RBPJ: variants seen among roughly 807,000 people sequenced by gnomAD.
RBPJ encodes the protein recombining binding protein suppressor of hairless.
In RBPJ, 9 loss-of-function variants were observed where a neutral mutation model predicts 67.8. The observed-to-expected ratio is 0.13, with a 90% CI of 0.08 to 0.23. RBPJ has a LOEUF of 0.23. Among genes scored for constraint, RBPJ ranks in the 10% least tolerant of loss-of-function variants. The pLI, the probability that RBPJ is intolerant of heterozygous loss-of-function variation, is 1.00. For synonymous variants in RBPJ, 198 were observed against 203.3 expected (o/e 0.97, Z 0.22); for missense variants, 305 against 595.6 (o/e 0.51, Z 5.08).
chr4:26,270,431 AAGAAAGAAG>A (rs1560237980), intron 1 of RBPJ, among the ~76,000 whole-genome samples: 1 of 63,046 alleles, frequency 1.6e-5, no homozygotes, highest in African/African-American at 4.0e-5. Context: ...GAAAGAAAGA[AAGAAAGAAG>A]AAAGAAAGAA....
rs140413597 is a variant in RBPJ, at chr4:26,338,649, C to G, written c.20+17601C>G. On this transcript the variant is annotated intron_variant, in intron 1 of 10. Transcript: ENST00000355476. ...GGAGTGCAGTGGCACGATCTTGGCT[C>G]CCTGAAACCTCTGCCTCCCAGGTTT... 6.1e-3 allele frequency among the ~76,000 whole-genome samples: 917 copies of G among 150,274 alleles called. 14 individuals carry two copies. Among genetic ancestry groups the G allele is most frequent in the African/African-American group, 0.021 (877 of 40,952 alleles).
At chr4:26,346,393 G>C (rs1468085621) in intron 1 of RBPJ, among the ~76,000 whole-genome samples, 1 of 152,166 alleles carries the variant, frequency 6.6e-6, no homozygotes, top group Non-Finnish European at 1.5e-5. Context: ...CAGCGGGGAA[G>C]GCTGGCTGCC....
intron 1 of RBPJ, among the ~76,000 whole-genome samples, chr4:26,178,003 G>C (rs998897111): frequency 6.6e-6 from 1 of 152,166 alleles, no homozygotes; most frequent in Non-Finnish European, 1.5e-5. Flanking sequence ...GACTTGGATG[G>C]ATAGATTGAA....
chr4:26,387,938 AAAG>A (rs1731087698), intron 2 of RBPJ, among the ~76,000 whole-genome samples: 1 of 152,184 alleles, frequency 6.6e-6, no homozygotes, highest in African/African-American at 2.4e-5. Context: ...TGGCAAACTT[AAAG>A]AAGGATTGAA....
intron 1 of RBPJ, among the ~76,000 whole-genome samples, chr4:26,364,123 T>A (rs1052526486): frequency 2.0e-5 from 3 of 152,210 alleles, no homozygotes; most frequent in African/African-American, 4.8e-5. Flanking sequence ...TTTAAATAAA[T>A]CATGGGTAGA....
intron 1 of RBPJ, among the ~76,000 whole-genome samples, chr4:26,231,379 A>G (rs916227261): frequency 5.3e-5 from 8 of 150,412 alleles, no homozygotes; most frequent in Non-Finnish European, 7.4e-5. Flanking sequence ...TGTACCTAAT[A>G]CTTTTTTTTT....
At chr4:26,223,201 G>A (rs1718973241) in intron 1 of RBPJ, among the ~76,000 whole-genome samples, 1 of 151,906 alleles carries the variant, frequency 6.6e-6, no homozygotes, top group African/African-American at 2.4e-5. Flanking sequence ...GTTTGATGGT[G>A]GATGTGCTGC....
At chr4:26,247,390 T>C (rs748906211) in intron 1 of RBPJ, among the ~76,000 whole-genome samples, 1 of 152,140 alleles carries the variant, frequency 6.6e-6, no homozygotes, top group Non-Finnish European at 1.5e-5. Context: ...TATTTTCTTG[T>C]TAAATTTTTT....
At chr4:26,238,214 A>G (rs1363013695) in intron 1 of RBPJ, among the ~76,000 whole-genome samples, 2 of 152,020 alleles carry the variant, frequency 1.3e-5, no homozygotes, top group Non-Finnish European at 2.9e-5. Flanking sequence ...GGCGCGCACC[A>G]CCGTGCCTGG....
chr4:26,121,017 G>A, the RBPJ span, among the ~76,000 whole-genome samples: 4 of 151,324 alleles, frequency 2.6e-5, no homozygotes, highest in Admixed American at 1.3e-4. Context: ...GGAGAGGGAG[G>A]GGTAGGGGGA....
intron 1 of RBPJ, among the ~76,000 whole-genome samples, chr4:26,284,431 G>T (rs1387482155): frequency 1.3e-5 from 2 of 152,108 alleles, no homozygotes; most frequent in Non-Finnish European, 2.9e-5. Flanking sequence ...TGTCTGCAAA[G>T]CATCTTTTCT....
At chr4:26,284,970 C>A (rs902141961) in intron 1 of RBPJ, among the ~76,000 whole-genome samples, 2 of 152,168 alleles carry the variant, frequency 1.3e-5, no homozygotes, top group Non-Finnish European at 2.9e-5. Context: ...GATTTTCCTG[C>A]CTCAGCCTCC....
At chr4:26,298,281 T>A (rs886605831) in intron 1 of RBPJ, among the ~76,000 whole-genome samples, 2 of 152,226 alleles carry the variant, frequency 1.3e-5, no homozygotes, top group Admixed American at 1.3e-4. Context: ...TAAGTTTAAC[T>A]CACAATTGAG....
At chr4:26,243,078 G>C (rs1221730893) in intron 1 of RBPJ, among the ~76,000 whole-genome samples, 1 of 151,720 alleles carries the variant, frequency 6.6e-6, no homozygotes, top group Non-Finnish European at 1.5e-5. Flanking sequence ...AATACAAAAA[G>C]TAGCCGGGCA....
At chr4:26,174,019 G>T (rs1234136174) in intron 1 of RBPJ, among the ~76,000 whole-genome samples, 3 of 152,218 alleles carry the variant, frequency 2.0e-5, no homozygotes, top group Non-Finnish European at 4.4e-5. Context: ...GCTGGTAGCT[G>T]CAAGCAATGC....
chr4:26,323,054 G>A (rs1560265354), intron 1 of RBPJ: 1 of 150,932 alleles, frequency 6.6e-6, no homozygotes, highest in South Asian at 2.1e-4. Context: ...CTACTCTAAC[G>A]AGTATTGGAG....
chr4:26,406,998 C>T (rs1251773223), intron 3 of RBPJ, among the ~76,000 whole-genome samples: 1 of 152,204 alleles, frequency 6.6e-6, no homozygotes, highest in Non-Finnish European at 1.5e-5. Context: ...TTTCTACATA[C>T]ACTCAAGCCA....
At chr4:26,380,470 C>A (rs1730204062) in intron 1 of RBPJ, among the ~76,000 whole-genome samples, 1 of 152,076 alleles carries the variant, frequency 6.6e-6, no homozygotes, top group Non-Finnish European at 1.5e-5. Context: ...TACTAATGAG[C>A]CTGTTATGTA....
chr4:26,241,604 C>G (rs369893817), intron 1 of RBPJ, among the ~76,000 whole-genome samples: 4 of 152,070 alleles, frequency 2.6e-5, no homozygotes, highest in African/African-American at 9.7e-5. Context: ...CTCTGCCTCC[C>G]GGGTTCATGC....
Sources: gnomAD v4.1 joint callset for allele counts (sites outside exome capture counted in the v4.1 genomes callset) on GRCh38, gnomAD v4.1.1 for gene constraint, MANE v1.5 for transcripts, NCBI Gene and HGNC (gene_info 2026-07-23, HGNC 2026-07-21) for gene names.